Variants in SAV1 observed in about 807,000 individuals in gnomAD.
SAV1 encodes the protein protein salvador homolog 1.
SAV1 carries 23 observed loss-of-function variants against 47.3 expected under a neutral mutation model. That is an observed-to-expected ratio of 0.49 (90% CI 0.35 to 0.69). SAV1 has a LOEUF of 0.69. SAV1 is among the 30% of genes least tolerant of loss of function. SAV1 has a pLI of 0.01. For missense variants in SAV1, 448 were observed against 457.4 expected (o/e 0.98, Z 0.19); for synonymous variants, 155 against 159.2 (o/e 0.97, Z 0.20).
In SAV1 at chr14:50,662,783, C is replaced by T. The variant is rs570695180; in HGVS notation, c.535+2396G>A. 10 of 152,316 alleles carry T rather than the reference C, an allele frequency of 6.6e-5. No homozygotes were observed. In the South Asian group the frequency reaches 8.3e-4, roughly 13 times the overall value. 9.4% of individuals were successfully genotyped at this position (152,316 alleles called of 1,614,324 possible). A position where few individuals can be genotyped will look rare whatever the true frequency, so the allele number is the denominator to read the frequency against. ...CTACAATATAGGTGGGAAAGGTGAA[C>T]GCAAAGAATAACACATATTCTATAT... On this transcript the variant is annotated intron_variant, in intron 2 of 4. Coordinates refer to ENST00000324679, the MANE Select transcript of SAV1 (RefSeq NM_021818.4).
At chr14:50,665,662 T>C (rs766330817) in intron 1 of SAV1, 43 bp from the exon 2 acceptor site, 5 of 1,494,956 alleles carry the variant, frequency 3.3e-6, no homozygotes, top group Admixed American at 4.8e-5. Context: ...CATCATTAAG[T>C]AACAAAAGTT....
chr14:50,641,770 A>G (rs555370618), intron 3 of SAV1, among the ~76,000 whole-genome samples: 2 of 152,358 alleles, frequency 1.3e-5, no homozygotes, highest in South Asian at 4.1e-4. Flanking sequence ...GTGGGAACAT[A>G]AATTAGTTCA....
At chr14:50,664,274 AT>A (rs1173332588) in intron 2 of SAV1, 2 of 151,686 alleles carry the variant, frequency 1.3e-5, no homozygotes, top group Admixed American at 6.5e-5. Context: ...AAATGAATAA[AT>A]TTTTTCTACA....
intron 2 of SAV1, among the ~76,000 whole-genome samples, chr14:50,655,033 A>G (rs2039800769): frequency 6.6e-6 from 1 of 152,252 alleles, no homozygotes; most frequent in Non-Finnish European, 1.5e-5. Flanking sequence ...AAAACAGAAC[A>G]AAACAAGCCT....
At position 50,645,920 on chromosome 14, in the gene SAV1, A is replaced by C. The variant is rs77486186; in HGVS notation, c.536-906T>G. On this transcript the variant is annotated intron_variant, in intron 2 of 4. Coordinates refer to ENST00000324679, the MANE Select transcript of SAV1 (RefSeq NM_021818.4). ...AGTTATTGAGATAATATAATTTATA[A>C]TAGCTCCAAAGAATTGTGCAGGACC... 7.6e-3 allele frequency among the ~76,000 whole-genome samples: 1,151 copies of C among 152,330 alleles called. 70 individuals are homozygous for C. In the East Asian group the frequency reaches 0.16, roughly 22 times the overall value.
intron 2 of SAV1, among the ~76,000 whole-genome samples, chr14:50,651,113 C>T (rs1471590485): frequency 2.0e-5 from 3 of 151,866 alleles, no homozygotes; most frequent in African/African-American, 7.3e-5. Context: ...TGAACTCCAA[C>T]TTCATGAGAG....
intron 2 of SAV1, chr14:50,662,902 A>G (rs2039871935): frequency 2.0e-5 from 3 of 152,204 alleles, no homozygotes; most frequent in Non-Finnish European, 4.4e-5. Context: ...TCACTCATTC[A>G]GCCATTTATT....
chr14:50,643,748 T>C (rs1250224798), intron 3 of SAV1, among the ~76,000 whole-genome samples: 1 of 152,136 alleles, frequency 6.6e-6, no homozygotes, highest in African/African-American at 2.4e-5. Flanking sequence ...CATGGAATCA[T>C]GGGAAAAAAC....
chr14:50,667,700 T>C (rs1283580517), intron 1 of SAV1, among the ~76,000 whole-genome samples, 174 bp downstream of exon 1: 1 of 152,010 alleles, frequency 6.6e-6, no homozygotes, highest in Non-Finnish European at 1.5e-5. Context: ...TTTCTTACTC[T>C]TATGGGCTTT....
At chr14:50,646,249 A>G (rs1245092773) in intron 2 of SAV1, among the ~76,000 whole-genome samples, 1 of 152,232 alleles carries the variant, frequency 6.6e-6, no homozygotes, top group African/African-American at 2.4e-5. Flanking sequence ...CAATTATTAT[A>G]ATAAAAACTG....
At chr14:50,638,340 A>C (rs1253148651) in intron 4 of SAV1, among the ~76,000 whole-genome samples, 1 of 152,194 alleles carries the variant, frequency 6.6e-6, no homozygotes, top group Non-Finnish European at 1.5e-5. Flanking sequence ...TGGGTGTAAA[A>C]CACTCCAGTA....
At chr14:50,653,799 G>A (rs1487653981) in intron 2 of SAV1, among the ~76,000 whole-genome samples, 1 of 151,922 alleles carries the variant, frequency 6.6e-6, no homozygotes, top group Non-Finnish European at 1.5e-5. Context: ...AACCTGGGAA[G>A]TGGGGGTGGC....
chr14:50,660,666 T>C (rs2039851297), intron 2 of SAV1, among the ~76,000 whole-genome samples: 1 of 152,216 alleles, frequency 6.6e-6, no homozygotes, highest in African/African-American at 2.4e-5. Context: ...ATGTTAACTG[T>C]AGTTACCCTA....
At position 50,668,021 on chromosome 14, in the gene SAV1, C is replaced by T; in HGVS notation, c.-54G>A. ...GAACTGCCTCCCTAGGGCTCCGCGC[C>T]GGGCGCCGGCCGTCTCCGCCGCCAC... On this transcript the variant is annotated 5_prime_UTR_variant, in exon 1 of 5. Transcript: ENST00000324679. 2 of 1,372,050 alleles carry T rather than the reference C, an allele frequency of 1.5e-6. No individual in the cohort carries two copies. The highest frequency in any genetic ancestry group is 1.9e-6 in the Non-Finnish European group (2 of 1,036,672). The allele number at this position is 1,372,050 out of a possible 1,614,324, so 85.0% of individuals were successfully genotyped here.
At chr14:50,636,752 T>C (rs1465438443) in intron 4 of SAV1, among the ~76,000 whole-genome samples, 1 of 152,220 alleles carries the variant, frequency 6.6e-6, no homozygotes, top group Non-Finnish European at 1.5e-5. Flanking sequence ...GGAAGAGAAC[T>C]ATGGACCAAG....
rs1203427381 is a variant in SAV1, at chr14:50,668,107, G to A, written c.-140C>T. 1 of 448,694 alleles carries A rather than the reference G, an allele frequency of 2.2e-6. No homozygotes were observed. Among genetic ancestry groups the A allele is most frequent in the Non-Finnish European group, 3.5e-6 (1 of 282,358 alleles). The allele number at this position is 448,694 out of a possible 1,614,324, so 27.8% of individuals were successfully genotyped here. ...CGCCGCCTCCGCCGCCGCCTGTCCG[G>A]AGCCCGGGGTCGCCCGCAGGGACTG... is the stretch of plus-strand genomic sequence containing the variant. On this transcript the variant is annotated 5_prime_UTR_variant, in exon 1 of 5. Transcript: ENST00000324679.
intron 3 of SAV1, among the ~76,000 whole-genome samples, chr14:50,642,225 G>A (rs1023108767): frequency 2.0e-5 from 3 of 152,248 alleles, no homozygotes; most frequent in South Asian, 2.1e-4. Context: ...GGAGAAGCAT[G>A]AGGATTGAAA....
intron 2 of SAV1, among the ~76,000 whole-genome samples, chr14:50,651,561 G>A (rs1359806994): frequency 6.6e-6 from 1 of 152,124 alleles, no homozygotes; most frequent in Non-Finnish European, 1.5e-5. Context: ...AAATCTAAGA[G>A]TACATGAAGC....
intron 4 of SAV1, chr14:50,638,053 TA>T (rs1246758749): frequency 6.6e-6 from 1 of 152,160 alleles, no homozygotes. Flanking sequence ...AAAATCAGAT[TA>T]GAGAAAATCC....
Sources: gnomAD v4.1 joint callset for allele counts (sites outside exome capture counted in the v4.1 genomes callset) on GRCh38, gnomAD v4.1.1 for gene constraint, MANE v1.5 for transcripts, NCBI Gene and HGNC (gene_info 2026-07-23, HGNC 2026-07-21) for gene names.